Variants in RANBP3L observed in about 807,000 individuals in gnomAD.
RANBP3L encodes the protein RAN binding protein 3 like, also known as ran-binding protein 3-like.
A neutral mutation model predicts 67.2 loss-of-function variants in RANBP3L; 56 were observed. The ratio of observed to expected loss-of-function variants is 0.83; its 90% CI spans 0.67 to 1.04. The LOEUF (loss-of-function observed/expected upper bound fraction) is 1.04. RANBP3L is among the 50% of genes least tolerant of loss of function. The probability of loss-of-function intolerance (pLI) is 0.00; values close to 1 mark genes in which losing one functional copy is unlikely to be tolerated. For missense variants in RANBP3L, 496 were observed against 535.5 expected (o/e 0.93, Z 0.73); for synonymous variants, 164 against 181.4 (o/e 0.90, Z 0.77).
Position 36,249,041 on chromosome 5 carries a change from G to A in RANBP3L, c.*613C>T, listed in dbSNP as rs191127465. ...TTATTTATTCATTTAACAACTATTGGATGCTGACCATGAGTCAAACATTGA... is the reference window on the plus strand; with the variant it reads ...TTATTTATTCATTTAACAACTATTGAATGCTGACCATGAGTCAAACATTGA... On this transcript the variant is annotated 3_prime_UTR_variant, in exon 14 of 14. Transcript: ENST00000296604. The A allele has an allele frequency of 3.9e-5, 6 of 152,054 alleles. No homozygotes were observed. The East Asian group carries it at 1.2e-3, about 29-fold the overall frequency. The allele number at this position is 152,054 out of a possible 1,614,324, so 9.4% of individuals were successfully genotyped here.
At chr5:36,277,398 A>C (rs905307162) in intron 1 of RANBP3L, among the ~76,000 whole-genome samples, 1 of 100,460 alleles carries the variant, frequency 1.0e-5, no homozygotes. Flanking sequence ...CAGCTTTTTC[A>C]TCTCTCTCTC....
At chr5:36,270,035 T>C (rs374994854) in intron 2 of RANBP3L, 45 bp from the exon 3 acceptor site, 1 of 1,557,796 alleles carries the variant, frequency 6.4e-7, no homozygotes, top group African/African-American at 1.4e-5. Flanking sequence ...TATTTGCCTT[T>C]GTATTATGTT....
rs884694 is a variant in RANBP3L at position 36,301,318 on chromosome 5, G to A, written c.91+8C>T. ...AGAATATGCAACTCATGAGCTGGACGGACTCACCTTGCTGTCGCCGGTCCT... is the reference window on the plus strand; with the variant it reads ...AGAATATGCAACTCATGAGCTGGACAGACTCACCTTGCTGTCGCCGGTCCT... On this transcript the variant is annotated splice_region_variant and intron_variant, in intron 1 of 13. Coordinates refer to ENST00000296604, the MANE Select transcript of RANBP3L (RefSeq NM_145000.5). 18 of 1,605,266 alleles carry A rather than the reference G, an allele frequency of 1.1e-5. No individual in the cohort carries two copies. Among genetic ancestry groups the A allele is most frequent in the Admixed American group, 3.3e-5 (2 of 59,942 alleles).
intron 6 of RANBP3L, among the ~76,000 whole-genome samples, chr5:36,264,219 G>A (rs992995114): frequency 2.6e-5 from 4 of 152,142 alleles, no homozygotes; most frequent in African/African-American, 7.2e-5. Flanking sequence ...AAAACAAAGC[G>A]AAACTATGTG....
chr5:36,275,908 A>T (rs1750535799), intron 1 of RANBP3L, among the ~76,000 whole-genome samples: 1 of 152,182 alleles, frequency 6.6e-6, no homozygotes, highest in South Asian at 2.1e-4. Context: ...TCATAAAACC[A>T]TTTGATTCTT....
At chr5:36,291,121 T>C (rs1293402490) in intron 1 of RANBP3L, among the ~76,000 whole-genome samples, 1 of 151,860 alleles carries the variant, frequency 6.6e-6, no homozygotes, top group Non-Finnish European at 1.5e-5. Context: ...AGCTCAGTAG[T>C]GTGAACTGTA....
At chr5:36,279,782 G>T (rs1750847097) in intron 1 of RANBP3L, among the ~76,000 whole-genome samples, 1 of 152,110 alleles carries the variant, frequency 6.6e-6, no homozygotes, top group Non-Finnish European at 1.5e-5. Context: ...TCAGAATGAA[G>T]TTATAAACTG....
In RANBP3L at chr5:36,290,070, T is replaced by G. The variant is rs74293508; in HGVS notation, c.91+11256A>C. On this transcript the variant is annotated intron_variant, in intron 1 of 13. Transcript: ENST00000296604. ...GGAAGTTGCTCTATTCCAAATCCCT[T>G]GAGTTTTTATATCAGTTGGTGTTGA... is the stretch of plus-strand genomic sequence containing the variant. Among the ~76,000 whole-genome samples, 1,877 of 152,262 alleles carry G rather than the reference T, an allele frequency of 0.012. 162 individuals carry two copies. In the East Asian group the frequency reaches 0.23, roughly 18 times the overall value.
chr5:36,256,874 C>G (rs1472767938), intron 10 of RANBP3L, 67 bp downstream of exon 10: 1 of 1,429,098 alleles, frequency 7.0e-7, no homozygotes, highest in African/African-American at 1.4e-5. Flanking sequence ...AAAGATGCCT[C>G]TTCTCATGTT....
chr5:36,256,570 C>A (rs1279140348), intron 10 of RANBP3L, among the ~76,000 whole-genome samples: 1 of 151,976 alleles, frequency 6.6e-6, no homozygotes, highest in Non-Finnish European at 1.5e-5. Context: ...AGAAGGAAAA[C>A]GAAATTCTTA....
intron 1 of RANBP3L, among the ~76,000 whole-genome samples, chr5:36,279,512 A>T (rs1182818642): frequency 6.6e-6 from 1 of 152,156 alleles, no homozygotes; most frequent in African/African-American, 2.4e-5. Context: ...TAAGATAACG[A>T]GGCCTCTGGG....
At chr5:36,287,913 G>A (rs1408175601) in intron 1 of RANBP3L, among the ~76,000 whole-genome samples, 1 of 152,146 alleles carries the variant, frequency 6.6e-6, no homozygotes, top group Non-Finnish European at 1.5e-5. Context: ...ATGTTCTTGG[G>A]CAAGTTATTC....
Position 36,248,088 on chromosome 5 carries a change from T to C in RANBP3L, c.*1566A>G, listed in dbSNP as rs1748383870. Reference sequence around the variant, plus strand: ...TGAGTGTGTTCCGCATCAGAGTCACTCTTCTTGATTTTAAAAAAGAGTATT... The same window carrying C: ...TGAGTGTGTTCCGCATCAGAGTCACCCTTCTTGATTTTAAAAAAGAGTATT... On this transcript the variant is annotated 3_prime_UTR_variant, in exon 14 of 14. Transcript: ENST00000296604. Among the ~76,000 whole-genome samples the C allele has an allele frequency of 1.3e-5, 2 of 152,318 alleles. No homozygotes were observed. The highest frequency in any genetic ancestry group is 1.9e-4 in the East Asian group (1 of 5,188).
intron 1 of RANBP3L, among the ~76,000 whole-genome samples, chr5:36,293,405 C>T (rs1280763832): frequency 6.7e-6 from 1 of 148,428 alleles, no homozygotes; most frequent in Admixed American, 6.8e-5. Context: ...CCTTCTCCTG[C>T]CTAATTGCCC....
At position 36,257,444 on chromosome 5, in the gene RANBP3L, G is replaced by A; in HGVS notation, c.772+10C>T. ...TGAATCTAATGTTTTACAAATGAAAGAATTCTTACTTGAACTTAAAAAGTT... is the reference window on the plus strand; with the variant it reads ...TGAATCTAATGTTTTACAAATGAAAAAATTCTTACTTGAACTTAAAAAGTT... On this transcript the variant is annotated intron_variant, in intron 9 of 13. Coordinates refer to ENST00000296604, the MANE Select transcript of RANBP3L (RefSeq NM_145000.5). The A allele has an allele frequency of 1.5e-6, 2 of 1,354,938 alleles. No homozygotes were observed. The highest frequency in any genetic ancestry group is 2.1e-6 in the Non-Finnish European group (2 of 955,128). 83.9% of individuals were successfully genotyped at this position (1,354,938 alleles called of 1,614,324 possible).
chr5:36,252,595 T>C (rs116595418), intron 12 of RANBP3L, among the ~76,000 whole-genome samples: 3 of 152,204 alleles, frequency 2.0e-5, no homozygotes, highest in Non-Finnish European at 4.4e-5. Flanking sequence ...TGTATGTATA[T>C]TCTTACACAC....
chr5:36,247,825 T>C lies in RANBP3L; in HGVS notation c.*1829A>G, dbSNP rs982276731. On this transcript the variant is annotated 3_prime_UTR_variant, in exon 14 of 14. Coordinates refer to ENST00000296604, the MANE Select transcript of RANBP3L (RefSeq NM_145000.5). ...ATCCCTTGAACCCGGGAGGGGGAGG[T>C]TGAAGTGAGCCGAAATCGTGCCACT... Among the ~76,000 whole-genome samples, 1 of 151,166 alleles carries C rather than the reference T, an allele frequency of 6.6e-6. No individual in the cohort carries two copies. The highest frequency in any genetic ancestry group is 1.5e-5 in the Non-Finnish European group (1 of 67,762).
intron 6 of RANBP3L, among the ~76,000 whole-genome samples, chr5:36,263,369 T>C (rs908102613): frequency 1.6e-4 from 25 of 152,156 alleles, no homozygotes; most frequent in African/African-American, 3.4e-4. Context: ...AAATATGCAA[T>C]GCAATATTTA....
intron 1 of RANBP3L, among the ~76,000 whole-genome samples, chr5:36,282,974 C>A (rs890986278): frequency 5.3e-5 from 8 of 152,156 alleles, no homozygotes; most frequent in Admixed American, 2.0e-4. Context: ...GTAATTTGTA[C>A]ACTTACCAGA....
Sources: allele counts gnomAD v4.1 joint callset (sites outside exome capture counted in the v4.1 genomes callset), GRCh38; gene constraint gnomAD v4.1.1; transcripts MANE v1.5; gene names NCBI Gene and HGNC (gene_info 2026-07-23, HGNC 2026-07-21).